The following FSIP1 variants were observed in gnomAD, a reference collection of about 807,000 sequenced individuals.
The protein encoded by FSIP1 is fibrous sheath-interacting protein 1.
In FSIP1, 65 loss-of-function variants were observed where a neutral mutation model predicts 60.9. That is an observed-to-expected ratio of 1.07 (90% confidence interval 0.87 to 1.31). The LOEUF is 1.31. Ranked by LOEUF, FSIP1 falls within the 40% of genes most tolerant of loss-of-function variation. FSIP1 has a pLI of 0.00. For missense variants in FSIP1, 675 were observed against 665.5 expected, an observed-to-expected ratio of 1.01 and a Z score of -0.16; for synonymous variants, 209 against 221.2, an observed-to-expected ratio of 0.94 and a Z score of 0.49.
intron 10 of FSIP1, among the ~76,000 whole-genome samples, chr15:39,657,407 T>C (rs1035840616): frequency 1.3e-5 from 2 of 152,200 alleles, no homozygotes; most frequent in African/African-American, 2.4e-5. Context: ...CATGCTAGAT[T>C]GATATTATGA....
chr15:39,616,778 G>A lies in FSIP1; in HGVS notation c.1699+957C>T, dbSNP rs149981629. Among the ~76,000 whole-genome samples, 73 of 152,300 alleles carry A rather than the reference G, an allele frequency of 4.8e-4. 3 individuals are homozygous for A. In the East Asian group the frequency reaches 0.013, roughly 27 times the overall value. ...TCAAAGCTGTGCTTTAAGGAAATTC[G>A]TTTAGTGGTTGTCAACAATGGTAGG... On this transcript the variant is annotated intron_variant, in intron 11 of 11. Transcript: ENST00000350221.
At chr15:39,736,920 A>G (rs1453778750) in intron 8 of FSIP1, among the ~76,000 whole-genome samples, 1 of 151,982 alleles carries the variant, frequency 6.6e-6, no homozygotes, top group Non-Finnish European at 1.5e-5. Flanking sequence ...TAGGGTGGGG[A>G]GGGAGTGATA....
chr15:39,681,350 T>C (rs1308823278), intron 10 of FSIP1, among the ~76,000 whole-genome samples: 3 of 152,160 alleles, frequency 2.0e-5, no homozygotes, highest in Non-Finnish European at 4.4e-5. Flanking sequence ...ATTTTCTACA[T>C]TATATGTTTT....
chr15:39,653,552 T>A (rs927957402), intron 10 of FSIP1, among the ~76,000 whole-genome samples: 3 of 152,198 alleles, frequency 2.0e-5, no homozygotes, highest in African/African-American at 7.2e-5. Context: ...TTTGATACAG[T>A]TTGGCTCTAT....
chr15:39,674,874 C>T (rs1595600603), intron 10 of FSIP1, among the ~76,000 whole-genome samples: 1 of 152,054 alleles, frequency 6.6e-6, no homozygotes. Flanking sequence ...ATACGACCAT[C>T]AAAAGTCACC....
chr15:39,680,684 G>C (rs560681125), intron 10 of FSIP1, among the ~76,000 whole-genome samples: 30 of 152,320 alleles, frequency 2.0e-4, no homozygotes, highest in African/African-American at 7.2e-4. Context: ...TTCTAGCCAT[G>C]TAGATAGTAG....
chr15:39,754,435 C>T (rs1447601611), intron 5 of FSIP1, among the ~76,000 whole-genome samples: 2 of 151,856 alleles, frequency 1.3e-5, no homozygotes, highest in Non-Finnish European at 2.9e-5. Context: ...ACTAGATAAC[C>T]AGTACAATGA....
intron 2 of FSIP1, among the ~76,000 whole-genome samples, chr15:39,773,605 GA>G (rs1242412034): frequency 2.6e-5 from 4 of 152,256 alleles, no homozygotes; most frequent in African/African-American, 7.2e-5. Flanking sequence ...AAATAAGCAG[GA>G]ATACTAATTC....
intron 10 of FSIP1, among the ~76,000 whole-genome samples, chr15:39,696,382 T>C (rs938452917): frequency 2.6e-5 from 4 of 152,080 alleles, no homozygotes; most frequent in Non-Finnish European, 4.4e-5. Context: ...AATAAACAAC[T>C]GAAAACATGT....
chr15:39,725,032 C>T (rs1206629466), intron 9 of FSIP1, among the ~76,000 whole-genome samples: 2 of 151,958 alleles, frequency 1.3e-5, no homozygotes, highest in African/African-American at 4.8e-5. Flanking sequence ...GGAGATAGAA[C>T]CCATCCTGAC....
chr15:39,607,297 G>A (rs990447342), intron 11 of FSIP1, among the ~76,000 whole-genome samples: 13 of 152,298 alleles, frequency 8.5e-5, no homozygotes, highest in African/African-American at 2.4e-4. Flanking sequence ...GGGTGAGTAC[G>A]TTTATTTTAA....
chr15:39,691,654 A>C (rs1894605461), intron 10 of FSIP1, among the ~76,000 whole-genome samples: 1 of 152,232 alleles, frequency 6.6e-6, no homozygotes. Flanking sequence ...TAAAGATGGC[A>C]GAAGGGGACT....
intron 10 of FSIP1, among the ~76,000 whole-genome samples, chr15:39,699,591 T>C (rs1894975397): frequency 6.6e-6 from 1 of 152,234 alleles, no homozygotes; most frequent in Non-Finnish European, 1.5e-5. Context: ...TAGAAAACTT[T>C]ATCCACCAGT....
At chr15:39,698,170 T>C (rs1005068939) in intron 10 of FSIP1, among the ~76,000 whole-genome samples, 4 of 125,698 alleles carry the variant, frequency 3.2e-5, no homozygotes, top group African/African-American at 8.3e-5. Flanking sequence ...TTCAAATATA[T>C]ATATATATAA....
At chr15:39,674,070 TC>T (rs1392171651) in intron 10 of FSIP1, among the ~76,000 whole-genome samples, 3 of 151,630 alleles carry the variant, frequency 2.0e-5, no homozygotes, top group Non-Finnish European at 2.9e-5. Flanking sequence ...TTTTTTTTTT[TC>T]TGAGACAGAG....
intron 10 of FSIP1, among the ~76,000 whole-genome samples, chr15:39,695,539 A>G (rs1894781286): frequency 2.0e-5 from 3 of 152,042 alleles, no homozygotes; most frequent in Admixed American, 6.6e-5. Context: ...TAATGTTACT[A>G]TTTTTCACAG....
At chr15:39,726,407 C>T (rs189425694) in intron 9 of FSIP1, among the ~76,000 whole-genome samples, 182 bp downstream of exon 9, 92 of 152,168 alleles carry the variant, frequency 6.0e-4, no homozygotes, top group Admixed American at 1.0e-3. Flanking sequence ...TCAGTGACCG[C>T]ATCCCAGAAA....
chr15:39,692,713 C>T (rs1894650672), intron 10 of FSIP1, among the ~76,000 whole-genome samples: 2 of 151,392 alleles, frequency 1.3e-5, no homozygotes, highest in South Asian at 2.1e-4. Flanking sequence ...AGGCTAATTC[C>T]TGGAATGCTA....
chr15:39,599,313 C>T (rs912883601), downstream of FSIP1: 1 of 152,144 alleles, frequency 6.6e-6, no homozygotes, highest in Non-Finnish European at 1.5e-5. Flanking sequence ...TGAATGGTCC[C>T]ACCTCTTTTA....
Sources: allele counts gnomAD v4.1 joint callset (sites outside exome capture counted in the v4.1 genomes callset), GRCh38; gene constraint gnomAD v4.1.1; transcripts MANE v1.5; gene names NCBI Gene and HGNC (gene_info 2026-07-23, HGNC 2026-07-21).